Variants in RIPOR2 observed in about 807,000 individuals in gnomAD.
RIPOR2 encodes the protein RHO family interacting cell polarization regulator 2, also known as rho family-interacting cell polarization regulator 2.
Under a neutral mutation model 114.5 loss-of-function variants are expected in RIPOR2, and 39 were observed. The observed-to-expected ratio is 0.34, with a 90% CI of 0.26 to 0.44. The LOEUF is 0.44. Among genes scored for constraint, RIPOR2 ranks in the 20% least tolerant of loss-of-function variants. The pLI is 1.00. For synonymous variants in RIPOR2, 445 were observed against 484.4 expected, an observed-to-expected ratio of 0.92 and a Z score of 1.07; for missense variants, 1,007 against 1,255.1, an observed-to-expected ratio of 0.80 and a Z score of 2.99.
chr6:25,011,043 A>G (rs1775755822), intron 1 of RIPOR2, among the ~76,000 whole-genome samples: 1 of 152,168 alleles, frequency 6.6e-6, no homozygotes, highest in African/African-American at 2.4e-5. Context: ...GCCTTCAAAT[A>G]TCTTCCCATG....
chr6:24,847,454 A>G, intron 12 of RIPOR2: 3 of 1,369,380 alleles, frequency 2.2e-6, no homozygotes, highest in Non-Finnish European at 3.0e-6. Flanking sequence ...TGAGCAAGAC[A>G]GAGAAGATAA....
Position 24,873,666 on chromosome 6 carries a change from T to C in RIPOR2, c.322A>G (p.Arg108Gly). The change falls in exon 3 of 22, where the codon AGG becomes GGG. Residue 108 changes from arginine to glycine, a missense_variant. Arg to Gly is a moderately radical substitution (Grantham distance 125, BLOSUM62 -2). Transcript: ENST00000643898. ...TACTCAAGTCCATTTTTCAAGGCCC[T>C]GTAGACTTCTTCCACCCTTTTAGGC... ...PQPKRVEEVYRALKNGLDEYL... is the reference protein window; with the variant it reads ...PQPKRVEEVYGALKNGLDEYL... 6.2e-7 allele frequency: 1 copy of C among 1,613,600 alleles called. No homozygotes were observed. The highest frequency in any genetic ancestry group is 8.5e-7 in the Non-Finnish European group (1 of 1,179,782).
At chr6:24,819,364 GATTGAAAAAA>G (rs1357547635) in intron 19 of RIPOR2, among the ~76,000 whole-genome samples, 1 of 152,022 alleles carries the variant, frequency 6.6e-6, no homozygotes, top group African/African-American at 2.4e-5. Context: ...TAGGGAAGTT[GATTGAAAAAA>G]AGGTATTCAG....
upstream of RIPOR2, among the ~76,000 whole-genome samples, chr6:24,936,970 G>A (rs1771844210): frequency 6.6e-6 from 1 of 152,174 alleles, no homozygotes; most frequent in Non-Finnish European, 1.5e-5. Context: ...TTACCCTAGA[G>A]AAACTGTCCC....
At chr6:24,974,004 C>A (rs1024583242) in intron 1 of RIPOR2, among the ~76,000 whole-genome samples, 1 of 152,168 alleles carries the variant, frequency 6.6e-6, no homozygotes, top group African/African-American at 2.4e-5. Context: ...ACTATGTTCA[C>A]TACCTGGGTG....
intron 12 of RIPOR2, chr6:24,847,706 G>A: frequency 6.5e-7 from 1 of 1,543,198 alleles, no homozygotes; most frequent in South Asian, 1.2e-5. Flanking sequence ...AGAAGTGAAA[G>A]CAAGATGGGG....
chr6:24,978,178 C>T (rs1213499379), intron 1 of RIPOR2, among the ~76,000 whole-genome samples: 22 of 152,022 alleles, frequency 1.4e-4, no homozygotes, highest in Admixed American at 6.5e-5. Context: ...TTTCATTCTA[C>T]GGGCTTTGTT....
At chr6:24,840,442 T>C (rs572882532) in intron 13 of RIPOR2, 560 of 1,291,492 alleles carry the variant, frequency 4.3e-4, no homozygotes, top group Non-Finnish European at 5.4e-4. Context: ...GCAGAAACAT[T>C]ACAAGCAAAA....
chr6:24,970,178 T>C (rs1245499855), intron 1 of RIPOR2, among the ~76,000 whole-genome samples: 1 of 150,890 alleles, frequency 6.6e-6, no homozygotes, highest in South Asian at 2.1e-4. Flanking sequence ...AAAGGACCAA[T>C]TGTCAGAGCA....
At chr6:25,006,540 C>T (rs1033625601) in intron 1 of RIPOR2, among the ~76,000 whole-genome samples, 7 of 152,228 alleles carry the variant, frequency 4.6e-5, no homozygotes, top group East Asian at 3.8e-4. Context: ...ATTAAACCTT[C>T]ATCACAATTC....
At chr6:24,853,882 A>G (rs1350291458) in intron 8 of RIPOR2, among the ~76,000 whole-genome samples, 3 of 152,126 alleles carry the variant, frequency 2.0e-5, no homozygotes, top group Non-Finnish European at 4.4e-5. Context: ...TTGGGAGGCC[A>G]AGGCAGGAGG....
chr6:24,843,512 C>T lies in RIPOR2; in HGVS notation c.1207G>A (p.Glu403Lys), dbSNP rs34016544. The T allele has an allele frequency of 0.015, 22,313 of 1,537,788 alleles. 420 individuals are homozygous for T. Among genetic ancestry groups the T allele is most frequent in the African/African-American group, 0.083 (6,035 of 72,292 alleles). The change falls in exon 13 of 22, where the codon GAG (glutamate) becomes AAG (lysine). Residue 403 changes from glutamate (E) to lysine (K), a missense_variant. By Grantham distance (56) the Glu-to-Lys change is moderately conservative. Coordinates refer to ENST00000643898, the MANE Select transcript of RIPOR2 (RefSeq NM_001286445.3). ...CTGAGCGACAGTGGCATTTTCTCCT[C>T]GGCTGCCTTTCCATTTTCAAAGATG... ...DDIFENGKAA[E>K]EKMPLSLSFS...
intron 1 of RIPOR2, among the ~76,000 whole-genome samples, chr6:24,972,967 G>C (rs1485781614): frequency 6.6e-6 from 1 of 152,180 alleles, no homozygotes; most frequent in Non-Finnish European, 1.5e-5. Context: ...CCATGCTGGA[G>C]ATGGGCTTGC....
intron 1 of RIPOR2, among the ~76,000 whole-genome samples, chr6:24,881,701 G>T (rs1766373394): frequency 6.6e-6 from 1 of 152,182 alleles, no homozygotes; most frequent in South Asian, 2.1e-4. Flanking sequence ...ACATGTTCTT[G>T]TATGAATGCT....
At chr6:25,013,451 C>G (rs1775853895) in intron 1 of RIPOR2, among the ~76,000 whole-genome samples, 1 of 152,190 alleles carries the variant, frequency 6.6e-6, no homozygotes, top group Admixed American at 6.5e-5. Flanking sequence ...AGCACCTACT[C>G]TGCCTGAAGG....
At chr6:24,908,962 C>T (rs1002220511) in intron 1 of RIPOR2, among the ~76,000 whole-genome samples, 3 of 152,108 alleles carry the variant, frequency 2.0e-5, no homozygotes, top group Non-Finnish European at 2.9e-5. Flanking sequence ...ATATTCAAAG[C>T]GAAATCTCAC....
intron 1 of RIPOR2, among the ~76,000 whole-genome samples, chr6:24,888,673 T>C (rs747401336): frequency 6.6e-6 from 1 of 152,206 alleles, no homozygotes; most frequent in Non-Finnish European, 1.5e-5. Context: ...TTGAGCCTTA[T>C]AAATAAAGCT....
At chr6:25,021,933 C>T (rs1776342923) in intron 1 of RIPOR2, among the ~76,000 whole-genome samples, 3 of 152,096 alleles carry the variant, frequency 2.0e-5, no homozygotes, top group Non-Finnish European at 2.9e-5. Flanking sequence ...TGAAACATTC[C>T]TAAATTCCTT....
At position 24,951,926 on chromosome 6, in the gene RIPOR2, G is replaced by A. The variant is rs368650601; in HGVS notation, c.77-76109C>T. Among the ~76,000 whole-genome samples the A allele has an allele frequency of 2.7e-4, 41 of 152,158 alleles. 2 individuals are homozygous for A. The highest frequency in any genetic ancestry group is 8.5e-4 in the Admixed American group (13 of 15,292). ...CAGGACCCCACCCTGCTTACCTTCC[G>A]CTGGATCCACAGTAGTCGTAAATAT... On this transcript the variant is annotated intron_variant, in intron 1 of 13. Transcript: ENST00000510784.
Sources: gnomAD v4.1 joint callset for allele counts (sites outside exome capture counted in the v4.1 genomes callset) on GRCh38, gnomAD v4.1.1 for gene constraint, MANE v1.5 for transcripts, NCBI Gene and HGNC (gene_info 2026-07-23, HGNC 2026-07-21) for gene names.